KIRREL3: variants seen among roughly 807,000 people sequenced by gnomAD.
The protein encoded by KIRREL3 is kirre like nephrin family adhesion molecule 3.
KIRREL3 carries 36 observed loss-of-function variants against 89.7 expected under a neutral mutation model. The ratio of observed to expected loss-of-function variants is 0.40; its 90% confidence interval spans 0.31 to 0.53. The LOEUF (loss-of-function observed/expected upper bound fraction) is 0.53, where lower values mean the gene tolerates loss of function less well. KIRREL3 is among the 20% of genes least tolerant of loss of function. KIRREL3 has a pLI of 0.49. For synonymous variants in KIRREL3, 445 were observed against 441.4 expected, an observed-to-expected ratio of 1.01 and a Z score of -0.10; for missense variants, 864 against 1,056.6, an observed-to-expected ratio of 0.82 and a Z score of 2.53.
In KIRREL3 at chr11:126,923,255, CT is replaced by C. The variant is rs756316709; in HGVS notation, c.55+77199del. Among the ~76,000 whole-genome samples the C allele has an allele frequency of 3.8e-4, 38 of 100,474 alleles. 11 individuals carry two copies. The highest frequency in any genetic ancestry group is 5.4e-4 in the Non-Finnish European group (28 of 51,390). 65.9% of individuals were successfully genotyped at this position (100,474 alleles called of 152,430 possible). On this transcript the variant is annotated intron_variant, in intron 1 of 16. Coordinates refer to ENST00000525144, the MANE Select transcript of KIRREL3 (RefSeq NM_032531.4). ...TCTTCTTCTTCTTCTTCTTCTTCTT[CT>C]TCTTCTTCTTCTCCTTCTCCTTCTC...
chr11:126,440,837 G>A, intron 10 of KIRREL3: 5 of 503,526 alleles, frequency 9.9e-6, no homozygotes, highest in Non-Finnish European at 1.1e-5. Context: ...GAGCGGTGCA[G>A]ATAAAGTGCT....
rs1949981925 is a variant in KIRREL3, at chr11:126,990,059, A to G, written c.55+10396T>C. Among the ~76,000 whole-genome samples, 1 of 152,172 alleles carries G rather than the reference A, an allele frequency of 6.6e-6. No individual in the cohort carries two copies. Among genetic ancestry groups the G allele is most frequent in the African/African-American group, 2.4e-5 (1 of 41,450 alleles). Reference sequence around the variant, plus strand: ...GAAGGGTGGAATCACTCCTTGTGGAAGGGAAAACGCCTGGAGCGGGGCAGG... The same window carrying G: ...GAAGGGTGGAATCACTCCTTGTGGAGGGGAAAACGCCTGGAGCGGGGCAGG... On this transcript the variant is annotated intron_variant, in intron 1 of 16. Transcript: ENST00000525144. This position sits in a 1 kb window ranked among gnomAD's most constrained non-coding sequence, Gnocchi z 6.3.
rs1958289010 is a variant in KIRREL3, at chr11:126,513,340, G to A, written c.433+7975C>T. On this transcript the variant is annotated intron_variant, in intron 4 of 16. Coordinates refer to ENST00000525144, the MANE Select transcript of KIRREL3 (RefSeq NM_032531.4). The surrounding 1 kb of genome is among the most constrained non-coding windows in gnomAD (Gnocchi z 5.9). Reference sequence around the variant, plus strand: ...GCGAGTGGGCACTTGGATAGGCAGTGTCGAGCTTCTGGGCCCCTCCAGAAA... The same window carrying A: ...GCGAGTGGGCACTTGGATAGGCAGTATCGAGCTTCTGGGCCCCTCCAGAAA... 6.6e-6 allele frequency among the ~76,000 whole-genome samples: 1 copy of A among 152,150 alleles called. No homozygotes were observed. Among genetic ancestry groups the A allele is most frequent in the Non-Finnish European group, 1.5e-5 (1 of 68,026 alleles).
intron 1 of KIRREL3, among the ~76,000 whole-genome samples, chr11:126,922,311 T>C (rs1947383465): frequency 6.6e-6 from 1 of 152,088 alleles, no homozygotes; most frequent in South Asian, 2.1e-4. Context: ...AGATCATCCA[T>C]TCTCCATGAA....
At chr11:126,746,944 T>G (rs1012282223) in intron 1 of KIRREL3, among the ~76,000 whole-genome samples, 4 of 152,238 alleles carry the variant, frequency 2.6e-5, no homozygotes, top group Admixed American at 2.0e-4. Context: ...ACACTGAGGA[T>G]AGACAGTGTC....
chr11:126,797,592 TC>T lies in KIRREL3; in HGVS notation c.55+202862del, dbSNP rs1950854266. 6.6e-6 allele frequency among the ~76,000 whole-genome samples: 1 copy of T among 152,078 alleles called. No individual in the cohort carries two copies. The highest frequency in any genetic ancestry group is 1.5e-5 in the Non-Finnish European group (1 of 68,000). ...ACCATGGCACTTAGTCCCAATCTAC[TC>T]CACAGCCTGTGACAGCTGGGGCTGT... On this transcript the variant is annotated intron_variant, in intron 1 of 16. Transcript: ENST00000525144. The surrounding 1 kb of genome is among the most constrained non-coding windows in gnomAD (Gnocchi z 4.9).
chr11:126,921,122 T>G (rs1947257088), intron 1 of KIRREL3, among the ~76,000 whole-genome samples: 1 of 152,048 alleles, frequency 6.6e-6, no homozygotes, highest in African/African-American at 2.4e-5. Context: ...CCCCTGGAGG[T>G]GGGGCACCCT....
At chr11:126,447,876 A>G (rs1424116727) in intron 8 of KIRREL3, among the ~76,000 whole-genome samples, 5 of 152,212 alleles carry the variant, frequency 3.3e-5, no homozygotes, top group African/African-American at 1.2e-4. Flanking sequence ...TGTAAAAGCA[A>G]GTTTAAAACT....
intron 1 of KIRREL3, among the ~76,000 whole-genome samples, chr11:126,821,329 GTATATATATATA>G (rs6144553): frequency 0.36 from 37,252 of 103,676 alleles, 8,230 homozygotes; most frequent in East Asian, 0.44. Flanking sequence ...GATAAACACA[GTATATATATATA>G]TATATATATA....
At chr11:126,910,727 T>C (rs1275294872) in intron 1 of KIRREL3, among the ~76,000 whole-genome samples, 3 of 152,218 alleles carry the variant, frequency 2.0e-5, no homozygotes, top group Non-Finnish European at 2.9e-5. Context: ...CCCAACAAAC[T>C]AACCTACATG....
chr11:126,707,727 C>T (rs943182258), intron 1 of KIRREL3, among the ~76,000 whole-genome samples: 4 of 152,168 alleles, frequency 2.6e-5, no homozygotes, highest in Non-Finnish European at 5.9e-5. Flanking sequence ...GTGGATTCTT[C>T]TCAGCACTTC....
intron 1 of KIRREL3, among the ~76,000 whole-genome samples, chr11:126,930,915 C>T (rs931246965): frequency 1.3e-5 from 2 of 152,226 alleles, no homozygotes; most frequent in Non-Finnish European, 2.9e-5. Context: ...ACATGTTCCT[C>T]CTAGCTATCC....
intron 1 of KIRREL3, among the ~76,000 whole-genome samples, chr11:126,777,262 A>G (rs1950195406): frequency 6.6e-6 from 1 of 152,128 alleles, no homozygotes; most frequent in Non-Finnish European, 1.5e-5. Flanking sequence ...GTCCCCCACA[A>G]TCAGGAATTA....
At chr11:126,937,832 G>C (rs1948269009) in intron 1 of KIRREL3, among the ~76,000 whole-genome samples, 1 of 152,198 alleles carries the variant, frequency 6.6e-6, no homozygotes, top group African/African-American at 2.4e-5. Context: ...CAAGGAGGCG[G>C]AGCTTGCAGT....
At chr11:126,813,951 G>T (rs1011008150) in intron 1 of KIRREL3, among the ~76,000 whole-genome samples, 1 of 152,040 alleles carries the variant, frequency 6.6e-6, no homozygotes, top group African/African-American at 2.4e-5. Context: ...TACAGCGAAA[G>T]AAACTATCAT....
In KIRREL3 at chr11:126,564,798, A is replaced by C. The variant is rs890819365; in HGVS notation, c.56-1886T>G. 1.3e-5 allele frequency among the ~76,000 whole-genome samples: 2 copies of C among 152,200 alleles called. No homozygotes were observed. Among genetic ancestry groups the C allele is most frequent in the Admixed American group, 1.3e-4 (2 of 15,284 alleles). On this transcript the variant is annotated intron_variant, in intron 1 of 16. Transcript: ENST00000525144. This position sits in a 1 kb window ranked among gnomAD's most constrained non-coding sequence, Gnocchi z 7.4. ...AGCCTTCCAGGAGGGGGCCAGTGGAAGTACAAGCTGCGAGGAGGTGCTGAG... is the reference window on the plus strand; with the variant it reads ...AGCCTTCCAGGAGGGGGCCAGTGGACGTACAAGCTGCGAGGAGGTGCTGAG...
At chr11:126,667,422 G>A (rs1306499416) in intron 1 of KIRREL3, among the ~76,000 whole-genome samples, 1 of 152,234 alleles carries the variant, frequency 6.6e-6, no homozygotes, top group Admixed American at 6.5e-5. Flanking sequence ...TAGTCTATGA[G>A]TTTAATGGAG....
At chr11:126,681,783 G>T (rs1434973121) in intron 1 of KIRREL3, 1 of 404,522 alleles carries the variant, frequency 2.5e-6, no homozygotes, top group Admixed American at 3.0e-5. Flanking sequence ...TCTGTTTCAG[G>T]GTTCTATGAG....
chr11:126,909,145 C>T lies in KIRREL3; in HGVS notation c.55+91310G>A, dbSNP rs1946707477. Among the ~76,000 whole-genome samples the T allele has an allele frequency of 6.6e-6, 1 of 152,054 alleles. No individual in the cohort carries two copies. Among genetic ancestry groups the T allele is most frequent in the Non-Finnish European group, 1.5e-5 (1 of 68,010 alleles). Reference sequence around the variant, plus strand: ...CAACTGTAATTGCAATCTGAATGACCACCATGAAGACATAGGTCACCATGA... The same window carrying T: ...CAACTGTAATTGCAATCTGAATGACTACCATGAAGACATAGGTCACCATGA... On this transcript the variant is annotated intron_variant, in intron 1 of 16. Coordinates refer to ENST00000525144, the MANE Select transcript of KIRREL3 (RefSeq NM_032531.4). The surrounding 1 kb of genome is among the most constrained non-coding windows in gnomAD (Gnocchi z 4.5).
Sources: gnomAD v4.1 joint callset for allele counts (sites outside exome capture counted in the v4.1 genomes callset) on GRCh38, gnomAD v4.1.1 for gene constraint, Gnocchi (gnomAD v3.1) non-coding constraint, MANE v1.5 for transcripts, NCBI Gene and HGNC (gene_info 2026-07-23, HGNC 2026-07-21) for gene names.